ERC2: variants seen among roughly 807,000 people sequenced by gnomAD.
ERC2 encodes the protein ELKS/RAB6-interacting/CAST family member 2, also known as ERC protein 2.
In ERC2, 42 loss-of-function variants were observed where a neutral mutation model predicts 114.8. The observed-to-expected ratio is 0.37, with a 90% CI of 0.29 to 0.47. ERC2 has a LOEUF of 0.47. Among genes scored for constraint, ERC2 ranks in the 20% least tolerant of loss-of-function variants. ERC2 has a pLI of 0.99. For synonymous variants in ERC2, 454 were observed against 425.5 expected (o/e 1.07, Z -0.82); for missense variants, 939 against 1,150.7 (o/e 0.82, Z 2.66).
intron 3 of ERC2, among the ~76,000 whole-genome samples, chr3:56,261,697 C>A (rs574338834): frequency 1.2e-4 from 18 of 151,608 alleles, no homozygotes; most frequent in African/African-American, 3.6e-4. Flanking sequence ...TTATTCTTTA[C>A]TTTTTTTTTA....
intron 12 of ERC2, among the ~76,000 whole-genome samples, chr3:55,952,339 G>C (rs2067641765): frequency 6.6e-6 from 1 of 151,668 alleles, no homozygotes; most frequent in African/African-American, 2.4e-5. Flanking sequence ...TAGTCTTTGA[G>C]TTGCATTAAT....
At chr3:55,514,482 T>A (rs959913323) in intron 17 of ERC2, among the ~76,000 whole-genome samples, 1 of 151,886 alleles carries the variant, frequency 6.6e-6, no homozygotes, top group African/African-American at 2.4e-5. Context: ...TGGATCTGAG[T>A]GGACCTAATT....
At chr3:56,301,252 C>G (rs11714882) in intron 2 of ERC2, among the ~76,000 whole-genome samples, 50,688 of 152,020 alleles carry the variant, frequency 0.33, 8,624 homozygotes, top group Admixed American at 0.35. Context: ...CTCATAATCA[C>G]CATAAAATTT....
intron 7 of ERC2, among the ~76,000 whole-genome samples, chr3:56,068,277 G>A (rs772300533): frequency 3.3e-5 from 5 of 152,084 alleles, no homozygotes; most frequent in African/African-American, 7.2e-5. Context: ...GAAGGTGTAC[G>A]TGTCCAGGAA....
At chr3:56,258,532 T>C (rs1007215220) in intron 3 of ERC2, among the ~76,000 whole-genome samples, 5 of 152,124 alleles carry the variant, frequency 3.3e-5, no homozygotes, top group South Asian at 2.1e-4. Context: ...TGGGCCCCTG[T>C]AGTCCCAGCT....
chr3:56,056,723 G>C (rs374959974), intron 7 of ERC2, among the ~76,000 whole-genome samples: 5 of 152,066 alleles, frequency 3.3e-5, no homozygotes, highest in Non-Finnish European at 7.4e-5. Context: ...CTCTCTGACC[G>C]GTTTTGGTCT....
At chr3:56,332,582 A>G (rs748455897) in intron 2 of ERC2, among the ~76,000 whole-genome samples, 1 of 152,206 alleles carries the variant, frequency 6.6e-6, no homozygotes, top group African/African-American at 2.4e-5. Flanking sequence ...TGTTTCCATC[A>G]AATATGGGAG....
In ERC2 at chr3:56,139,622, G is replaced by A; in HGVS notation, c.1360C>T (p.Gln454Ter). ...TTGCTGAGGGTTTCAAGCTTTGTTT[G>A]TAAGGCAAGAAGTTCCGACTCTTTC... is the stretch of plus-strand genomic sequence containing the variant. Reference protein sequence around the residue: ...SKKESELLALQTKLETLSNQN... With the variant: ...SKKESELLAL The change falls in exon 6 of 18, where the codon CAA becomes TAA. Residue 454 changes from glutamine (Q) to a stop codon, truncating the protein, a stop_gained. Transcript: ENST00000288221. LOFTEE classifies it high-confidence loss of function. 1 of 1,612,216 alleles carries A rather than the reference G, an allele frequency of 6.2e-7. No individual in the cohort carries two copies. Among genetic ancestry groups the A allele is most frequent in the Non-Finnish European group, 8.5e-7 (1 of 1,179,100 alleles).
intron 13 of ERC2, among the ~76,000 whole-genome samples, chr3:55,940,878 G>T (rs2066742715): frequency 6.6e-6 from 1 of 152,104 alleles, no homozygotes; most frequent in African/African-American, 2.4e-5. Flanking sequence ...TGTTTTTGGA[G>T]GGGCCTGACC....
At chr3:56,083,537 ATATAAT>A (rs1314406596) in intron 6 of ERC2, among the ~76,000 whole-genome samples, 3 of 152,174 alleles carry the variant, frequency 2.0e-5, no homozygotes, top group African/African-American at 7.2e-5. Flanking sequence ...TTATACTTTG[ATATAAT>A]TATAATTTAT....
intron 15 of ERC2, among the ~76,000 whole-genome samples, chr3:55,705,026 T>A (rs1210603702): frequency 6.6e-6 from 1 of 152,162 alleles, no homozygotes; most frequent in African/African-American, 2.4e-5. Context: ...AACCCAGATG[T>A]CTGACTCCAG....
chr3:55,682,671 G>T (rs779612823), intron 17 of ERC2, among the ~76,000 whole-genome samples: 1 of 152,290 alleles, frequency 6.6e-6, no homozygotes, highest in East Asian at 1.9e-4. Context: ...TTATCCCAAA[G>T]AATTGTCCCA....
At chr3:56,321,614 T>A (rs546883309) in intron 2 of ERC2, among the ~76,000 whole-genome samples, 1 of 152,340 alleles carries the variant, frequency 6.6e-6, no homozygotes, top group South Asian at 2.1e-4. Flanking sequence ...GTTGCCTTAT[T>A]TGGTCTATCC....
intron 11 of ERC2, among the ~76,000 whole-genome samples, chr3:55,988,187 G>C (rs114668859): frequency 1.3e-5 from 2 of 152,124 alleles, no homozygotes; most frequent in Non-Finnish European, 2.9e-5. Context: ...TGCCTCTAAG[G>C]TTTAATTAGA....
chr3:56,343,190 T>TCACACACACACACACACACACACA (rs1181595660), intron 2 of ERC2, among the ~76,000 whole-genome samples: 19 of 109,934 alleles, frequency 1.7e-4, no homozygotes, highest in African/African-American at 6.2e-4. Context: ...TCTCTCTCTC[T>TCACACACACACACACACACACACA]CTCACACACA....
chr3:56,013,055 G>A (rs889167951), intron 8 of ERC2, among the ~76,000 whole-genome samples: 4 of 152,136 alleles, frequency 2.6e-5, no homozygotes, highest in East Asian at 1.9e-4. Context: ...AAGGCTTTGC[G>A]AGACCAGCTT....
At chr3:56,121,834 G>A (rs2079595039) in intron 6 of ERC2, among the ~76,000 whole-genome samples, 1 of 152,122 alleles carries the variant, frequency 6.6e-6, no homozygotes, top group African/African-American at 2.4e-5. Context: ...TACAATGTTT[G>A]AGGCTTACCG....
intron 6 of ERC2, among the ~76,000 whole-genome samples, chr3:56,084,070 A>G (rs951938063): frequency 6.6e-6 from 1 of 152,128 alleles, no homozygotes; most frequent in Non-Finnish European, 1.5e-5. Context: ...GCCATAAGAA[A>G]CCAATAGAAG....
chr3:56,143,949 A>AT (rs2081006211), intron 5 of ERC2, among the ~76,000 whole-genome samples: 1 of 152,236 alleles, frequency 6.6e-6, no homozygotes, highest in Admixed American at 6.5e-5. Flanking sequence ...TGCATAACTT[A>AT]GTAGAAAGGT....
Sources: gnomAD v4.1 joint callset for allele counts (sites outside exome capture counted in the v4.1 genomes callset) on GRCh38, gnomAD v4.1.1 for gene constraint, MANE v1.5 for transcripts, NCBI Gene and HGNC (gene_info 2026-07-23, HGNC 2026-07-21) for gene names.